DLC1: variants seen among roughly 807,000 people sequenced by gnomAD.
DLC1 encodes rho GTPase-activating protein 7.
A neutral mutation model predicts 140.3 loss-of-function variants in DLC1; 54 were observed. That is an observed-to-expected ratio of 0.38 (90% CI 0.31 to 0.48). The LOEUF (loss-of-function observed/expected upper bound fraction) is 0.48, where lower values mean the gene tolerates loss of function less well. DLC1 is among the 20% of genes least tolerant of loss of function. The pLI is 0.96. For synonymous variants in DLC1, 986 were observed against 728.1 expected, an observed-to-expected ratio of 1.35 and a Z score of -5.70; for missense variants, 2,536 against 1,907.0, an observed-to-expected ratio of 1.33 and a Z score of -6.14.
At chr8:13,454,738 G>C (rs1289762761) in intron 2 of DLC1, among the ~76,000 whole-genome samples, 1 of 152,096 alleles carries the variant, frequency 6.6e-6, no homozygotes, top group Non-Finnish European at 1.5e-5. Context: ...AATTTTTGTA[G>C]AGACAGCGTC....
chr8:13,212,590 A>G (rs1373769409), intron 5 of DLC1, among the ~76,000 whole-genome samples: 1 of 152,136 alleles, frequency 6.6e-6, no homozygotes, highest in African/African-American at 2.4e-5. Context: ...AATGTTAACT[A>G]TGATGTGATA....
intron 1 of DLC1, among the ~76,000 whole-genome samples, chr8:13,582,878 CTA>C (rs55681527): frequency 0.059 from 6,042 of 102,114 alleles, 146 homozygotes; most frequent in Admixed American, 0.068. Flanking sequence ...ATACTGTGGT[CTA>C]TATATATATA....
intron 5 of DLC1, among the ~76,000 whole-genome samples, chr8:13,117,201 G>C (rs1203578011): frequency 6.6e-6 from 1 of 152,218 alleles, no homozygotes; most frequent in African/African-American, 2.4e-5. Flanking sequence ...ACTGGGTGTG[G>C]TGGCTTGCGC....
At chr8:13,233,526 A>G (rs1476476570) in intron 5 of DLC1, among the ~76,000 whole-genome samples, 1 of 152,124 alleles carries the variant, frequency 6.6e-6, no homozygotes, top group African/African-American at 2.4e-5. Context: ...AGGGCCGAAT[A>G]TTATTTTTAA....
chr8:13,293,918 G>T, intron 5 of DLC1, among the ~76,000 whole-genome samples: 1 of 152,254 alleles, frequency 6.6e-6, no homozygotes, highest in Non-Finnish European at 1.5e-5. Context: ...AATACCAACG[G>T]AATTAGAAAA....
intron 5 of DLC1, among the ~76,000 whole-genome samples, chr8:13,190,101 C>T (rs781436910): frequency 6.6e-6 from 1 of 152,122 alleles, no homozygotes; most frequent in Admixed American, 6.5e-5. Context: ...TTATTTTACT[C>T]AATGTATTCC....
At chr8:13,382,529 A>AAGAAAT in intron 4 of DLC1, among the ~76,000 whole-genome samples, 1 of 109,454 alleles carries the variant, frequency 9.1e-6, no homozygotes, top group South Asian at 2.8e-4. Context: ...AAAAAAAAAA[A>AAGAAAT]AAAGAAAGAG....
Position 13,110,955 on chromosome 8 carries a change from CG to C in DLC1, c.1421-133del, listed in dbSNP as rs1376868981. The C allele has an allele frequency of 5.4e-6, 4 of 741,604 alleles. No individual in the cohort carries two copies. The Admixed American group carries it at 9.9e-5, about 18-fold the overall frequency. 45.9% of individuals were successfully genotyped at this position (741,604 alleles called of 1,614,324 possible). A position where few individuals can be genotyped will look rare whatever the true frequency, so the allele number is the denominator to read the frequency against. On this transcript the variant is annotated intron_variant, in intron 6 of 17. Coordinates refer to ENST00000276297, the MANE Select transcript of DLC1 (RefSeq NM_182643.3). The stretch of plus-strand genomic sequence containing the variant: ...ACCTACTGTAGGACACCTCATTCCC[CG>C]TCAAGTTCTATGGGACTATAAGGCA...
At chr8:13,105,031 T>G (rs1048177550) in intron 7 of DLC1, among the ~76,000 whole-genome samples, 5 of 152,246 alleles carry the variant, frequency 3.3e-5, no homozygotes, top group African/African-American at 1.2e-4. Flanking sequence ...TAATCAAACC[T>G]GTAATCAAAT....
chr8:13,159,472 A>T (rs1824519007), intron 5 of DLC1, among the ~76,000 whole-genome samples: 1 of 152,168 alleles, frequency 6.6e-6, no homozygotes, highest in South Asian at 2.1e-4. Context: ...GAGAGGACTT[A>T]GTGGGCTCTC....
chr8:13,577,979 T>G (rs1409972429), intron 1 of DLC1, among the ~76,000 whole-genome samples: 2 of 151,828 alleles, frequency 1.3e-5, no homozygotes, highest in African/African-American at 4.8e-5. Flanking sequence ...TGTTTATTCC[T>G]GTAACACTGA....
intron 5 of DLC1, among the ~76,000 whole-genome samples, chr8:13,290,700 A>T (rs1421011160): frequency 6.6e-6 from 1 of 152,192 alleles, no homozygotes; most frequent in Non-Finnish European, 1.5e-5. Flanking sequence ...AATAGTGGAT[A>T]TCCTGGAAAT....
At chr8:13,185,124 T>G (rs1441780813) in intron 5 of DLC1, among the ~76,000 whole-genome samples, 15 of 140,666 alleles carry the variant, frequency 1.1e-4, no homozygotes, top group African/African-American at 3.6e-4. Context: ...AACCCCTGCT[T>G]TTTTTTTTTT....
At chr8:13,397,690 G>T (rs1837110096) in intron 3 of DLC1, among the ~76,000 whole-genome samples, 1 of 150,440 alleles carries the variant, frequency 6.6e-6, no homozygotes, top group South Asian at 2.1e-4. Flanking sequence ...AAAAAAATTA[G>T]CCAGGCATGG....
At chr8:13,401,796 T>A (rs1473378961) in intron 2 of DLC1, among the ~76,000 whole-genome samples, 177 bp from the exon 3 acceptor site, 1 of 152,198 alleles carries the variant, frequency 6.6e-6, no homozygotes, top group African/African-American at 2.4e-5. Flanking sequence ...ACTGACCTAG[T>A]GCCAAGAAAG....
chr8:13,582,660 T>C (rs1407791717), intron 1 of DLC1, among the ~76,000 whole-genome samples: 1 of 151,886 alleles, frequency 6.6e-6, no homozygotes, highest in African/African-American at 2.4e-5. Context: ...CTTGTGATTG[T>C]GTGAGTTAAT....
intron 2 of DLC1, among the ~76,000 whole-genome samples, chr8:13,414,967 T>C (rs1156970643): frequency 2.0e-5 from 3 of 151,928 alleles, no homozygotes; most frequent in African/African-American, 4.8e-5. Context: ...TGCGCCACCA[T>C]GCCTGGCTAA....
chr8:13,224,490 A>G (rs1828699359), intron 5 of DLC1, among the ~76,000 whole-genome samples: 1 of 152,208 alleles, frequency 6.6e-6, no homozygotes, highest in Non-Finnish European at 1.5e-5. Context: ...ACATGATTCA[A>G]CAATGGACAA....
chr8:13,103,357 A>C (rs1350943834), intron 7 of DLC1, among the ~76,000 whole-genome samples: 5 of 128,076 alleles, frequency 3.9e-5, no homozygotes, highest in East Asian at 2.4e-4. Context: ...TAAATAAATA[A>C]ATACCTTTAT....
Sources: gnomAD v4.1 joint callset for allele counts (sites outside exome capture counted in the v4.1 genomes callset) on GRCh38, gnomAD v4.1.1 for gene constraint, MANE v1.5 for transcripts, NCBI Gene and HGNC (gene_info 2026-07-23, HGNC 2026-07-21) for gene names.